The following KANSL3 variants were observed in gnomAD, a reference collection of about 807,000 sequenced individuals.
KANSL3 encodes the protein NSL complex protein NSL3.
A neutral mutation model predicts 89.2 loss-of-function variants in KANSL3; 16 were observed. The observed-to-expected ratio is 0.18, with a 90% confidence interval of 0.12 to 0.27. The LOEUF is 0.27. Ranked by LOEUF, KANSL3 falls within the 10% of genes least tolerant of loss-of-function variation. The probability of loss-of-function intolerance (pLI) is 1.00; values close to 1 mark genes in which losing one functional copy is unlikely to be tolerated. For synonymous variants in KANSL3, 385 were observed against 419.7 expected (o/e 0.92, Z 1.01); for missense variants, 879 against 1,110.6 (o/e 0.79, Z 2.96).
chr2:96,612,546 G>A lies in KANSL3; in HGVS notation c.930C>T (p.Thr310=). ...SCLGKVIPVA[T]HLLNNGSGVG... ...CCCCACTGCCATTGTTCAGCAGATG[G>A]GTGGCTACAGGGATGACCTGAAGGA... Residue 310 remains threonine (T), a synonymous_variant, in exon 8 of 21, where the codon ACC becomes ACT. Coordinates refer to ENST00000431828, the MANE Select transcript of KANSL3 (RefSeq NM_001115016.3). 6.2e-7 allele frequency: 1 copy of A among 1,613,682 alleles called. No individual in the cohort carries two copies. The highest frequency in any genetic ancestry group is 1.3e-5 in the African/African-American group (1 of 74,992).
At chr2:96,619,980 T>A (rs1388276463) in intron 3 of KANSL3, among the ~76,000 whole-genome samples, 1 of 152,182 alleles carries the variant, frequency 6.6e-6, no homozygotes, top group Non-Finnish European at 1.5e-5. Flanking sequence ...CTTGTATTAA[T>A]AATACACACA....
chr2:96,591,966 C>A (rs1159344806), downstream of KANSL3, among the ~76,000 whole-genome samples: 1 of 152,150 alleles, frequency 6.6e-6, no homozygotes, highest in African/African-American at 2.4e-5. Context: ...CAGCCATCAA[C>A]CCTGACCAAA....
intron 5 of KANSL3, among the ~76,000 whole-genome samples, chr2:96,617,664 G>A (rs1458810935): frequency 6.6e-6 from 1 of 151,732 alleles, no homozygotes. Flanking sequence ...AATTCAAGAC[G>A]AGCCTATAGC....
chr2:96,613,731 T>A, intron 5 of KANSL3, 112 bp from the exon 6 acceptor site: 1 of 987,634 alleles, frequency 1.0e-6, no homozygotes, highest in Non-Finnish European at 1.5e-6. Flanking sequence ...AGACTTCAAC[T>A]AAGCCTCTGA....
In KANSL3 at chr2:96,608,583, G is replaced by C. The variant is rs981620712; in HGVS notation, c.1666C>G (p.Gln556Glu). Residue 556 changes from glutamine (Q) to glutamate (E), a missense_variant, in exon 14 of 21, where the codon CAG (glutamine) becomes GAG (glutamate). Gln to Glu is a conservative substitution (Grantham distance 29). Transcript: ENST00000431828. ...TTVTSAQKSS[Q>E]IGSSQLLKRH... ...TTCAGCAGCTGAGAACTTCCAATCT[G>C]ACTGGACTTCTGGGCAGAGGTCACT... 4 of 1,614,022 alleles carry C rather than the reference G, an allele frequency of 2.5e-6. No individual in the cohort carries two copies. In the African/African-American group the frequency reaches 5.3e-5, roughly 22 times the overall value.
intron 5 of KANSL3, chr2:96,615,667 A>G: frequency 2.6e-6 from 1 of 390,184 alleles, no homozygotes; most frequent in Non-Finnish European, 4.9e-6. Context: ...CAAAAATAGC[A>G]GAAGATAAGT....
At chr2:96,595,921 G>A (rs994789978) in intron 20 of KANSL3, among the ~76,000 whole-genome samples, 29 of 152,038 alleles carry the variant, frequency 1.9e-4, no homozygotes, top group Admixed American at 7.9e-4. Context: ...TACTTTCCAG[G>A]GTCACCGTAA....
intron 20 of KANSL3, among the ~76,000 whole-genome samples, 172 bp from the exon 21 acceptor site, chr2:96,595,803 C>A (rs2066474965): frequency 6.6e-6 from 1 of 152,204 alleles, no homozygotes; most frequent in African/African-American, 2.4e-5. Context: ...AAGTGGTTAA[C>A]AGAACATGGA....
chr2:96,626,026 A>G (rs1332629191), intron 3 of KANSL3, among the ~76,000 whole-genome samples: 2 of 152,068 alleles, frequency 1.3e-5, no homozygotes, highest in African/African-American at 4.8e-5. Flanking sequence ...CCTTTCTTAG[A>G]TGAGATCAGA....
chr2:96,580,597 G>A, the KANSL3 span, among the ~76,000 whole-genome samples: 2 of 152,194 alleles, frequency 1.3e-5, no homozygotes, highest in African/African-American at 2.4e-5. Flanking sequence ...GTGTGGTAAT[G>A]TTCTATTTCT....
the KANSL3 span, among the ~76,000 whole-genome samples, chr2:96,584,700 A>AT: frequency 8.6e-5 from 13 of 151,902 alleles, no homozygotes; most frequent in South Asian, 1.7e-3. Flanking sequence ...AAATGACAGA[A>AT]TTTTTTTTTA....
At chr2:96,633,504 G>C (rs2073783836) in intron 2 of KANSL3, among the ~76,000 whole-genome samples, 1 of 151,464 alleles carries the variant, frequency 6.6e-6, no homozygotes, top group Non-Finnish European at 1.5e-5. Context: ...GGGAGACGGA[G>C]GTTGCAGTGA....
chr2:96,619,663 G>A lies in KANSL3; in HGVS notation c.477+9C>T. ...AGAGCCCACTGTGGGCGGATTGCTG[G>A]TGTCTTACCCCTTCGTTGGCCAAGC... is the stretch of plus-strand genomic sequence containing the variant. On this transcript the variant is annotated intron_variant, in intron 4 of 20. Coordinates refer to ENST00000431828, the MANE Select transcript of KANSL3 (RefSeq NM_001115016.3). The A allele has an allele frequency of 1.3e-6, 2 of 1,576,608 alleles. No homozygotes were observed. The highest frequency in any genetic ancestry group is 1.7e-4 in the Middle Eastern group (1 of 6,026).
chr2:96,614,745 T>G (rs2069644854), intron 5 of KANSL3, among the ~76,000 whole-genome samples: 1 of 134,700 alleles, frequency 7.4e-6, no homozygotes, highest in Admixed American at 8.2e-5. Context: ...CACTCCAGCC[T>G]AGGCAACAGA....
chr2:96,631,933 C>T (rs983793304), intron 2 of KANSL3, among the ~76,000 whole-genome samples: 6 of 152,032 alleles, frequency 3.9e-5, no homozygotes, highest in African/African-American at 1.5e-4. Context: ...GTGATCCCAG[C>T]TACTAAGGAG....
downstream of KANSL3, among the ~76,000 whole-genome samples, chr2:96,588,892 C>A (rs1053993015): frequency 4.6e-5 from 7 of 152,178 alleles, no homozygotes; most frequent in African/African-American, 1.7e-4. Flanking sequence ...CCGCACCCAG[C>A]CCTTTTCTTA....
intron 11 of KANSL3, 80 bp from the exon 12 acceptor site, chr2:96,609,642 T>C (rs113123820): frequency 1.1e-5 from 15 of 1,364,660 alleles, no homozygotes; most frequent in African/African-American, 1.0e-4. Flanking sequence ...ATTTCTTTTC[T>C]GGGTTGTTTA....
the KANSL3 span, among the ~76,000 whole-genome samples, chr2:96,580,735 C>A: frequency 2.0e-5 from 3 of 152,182 alleles, no homozygotes; most frequent in African/African-American, 7.2e-5. Context: ...TAAAAAGTGT[C>A]ATGTGTGGAA....
rs781057440 is a variant in KANSL3, at chr2:96,604,228, A to T, written c.2149+22T>A. ...ACCAAAAATTCTGTGTTGGAAGGGG[A>T]GAATGCTGGGCCACAAGATACCTGG... On this transcript the variant is annotated intron_variant, in intron 17 of 20. Coordinates refer to ENST00000431828, the MANE Select transcript of KANSL3 (RefSeq NM_001115016.3). 5.1e-6 allele frequency: 8 copies of T among 1,577,020 alleles called. No individual in the cohort carries two copies. In the Admixed American group the frequency reaches 1.3e-4, roughly 26 times the overall value.
Sources: allele counts gnomAD v4.1 joint callset (sites outside exome capture counted in the v4.1 genomes callset), GRCh38; gene constraint gnomAD v4.1.1; transcripts MANE v1.5; gene names NCBI Gene and HGNC (gene_info 2026-07-23, HGNC 2026-07-21).